Variants in TMEM272 observed in about 807,000 individuals in gnomAD.
The protein encoded by TMEM272 is transmembrane protein 272, also known as long intergenic non-protein coding RNA 282.
Under a neutral mutation model 3.7 loss-of-function variants are expected in TMEM272, and 8 were observed. The ratio of observed to expected loss-of-function variants is 2.17; its 90% CI spans 1.27 to 3.91. TMEM272 has a LOEUF of 3.91. Ranked by LOEUF, TMEM272 falls within the 30% of genes most tolerant of loss-of-function variation. The pLI, the probability that TMEM272 is intolerant of heterozygous loss-of-function variation, is 0.00. For missense variants in TMEM272, 166 were observed against 91.5 expected, an observed-to-expected ratio of 1.81 and a Z score of -3.32; for synonymous variants, 63 against 39.8, an observed-to-expected ratio of 1.58 and a Z score of -2.20.
At chr13:51,876,698 G>A in the TMEM272 span, among the ~76,000 whole-genome samples, 1 of 152,166 alleles carries the variant, frequency 6.6e-6, no homozygotes, top group Non-Finnish European at 1.5e-5. Context: ...TCAATTTTTG[G>A]TGTGTAAATT....
At chr13:51,932,561 C>T in the TMEM272 span, 1 of 152,222 alleles carries the variant, frequency 6.6e-6, no homozygotes, top group South Asian at 2.1e-4. Flanking sequence ...AAAATCCTAT[C>T]CTCCTCTGCC....
chr13:51,848,019 G>T (rs566388543), upstream of TMEM272, among the ~76,000 whole-genome samples: 20 of 152,304 alleles, frequency 1.3e-4, no homozygotes, highest in South Asian at 1.2e-3. Flanking sequence ...TTTGGAAAGT[G>T]ATTATGAGAC....
the TMEM272 span, among the ~76,000 whole-genome samples, chr13:51,892,754 C>G: frequency 6.6e-6 from 1 of 152,154 alleles, no homozygotes; most frequent in Non-Finnish European, 1.5e-5. Flanking sequence ...CATGCAGCCC[C>G]TCCTCCACAG....
At chr13:51,830,134 T>C (rs989629430) in intron 2 of TMEM272, among the ~76,000 whole-genome samples, 1 of 152,252 alleles carries the variant, frequency 6.6e-6, no homozygotes, top group African/African-American at 2.4e-5. Context: ...TGCTATTTCT[T>C]TGGGTTTCCA....
the TMEM272 span, among the ~76,000 whole-genome samples, chr13:51,872,716 A>G: frequency 6.6e-6 from 1 of 152,252 alleles, no homozygotes; most frequent in Admixed American, 6.5e-5. Context: ...AAGTTATATA[A>G]AATAAGACAA....
the TMEM272 span, among the ~76,000 whole-genome samples, chr13:51,854,819 T>G: frequency 6.6e-6 from 1 of 152,242 alleles, no homozygotes; most frequent in African/African-American, 2.4e-5. Flanking sequence ...ATTATTATTA[T>G]TGATTTATTT....
chr13:51,904,135 C>A, the TMEM272 span, among the ~76,000 whole-genome samples: 1 of 152,168 alleles, frequency 6.6e-6, no homozygotes, highest in Non-Finnish European at 1.5e-5. Context: ...CATTCACCAT[C>A]AGCATCAGAA....
At chr13:51,879,766 T>C in the TMEM272 span, among the ~76,000 whole-genome samples, 1 of 152,252 alleles carries the variant, frequency 6.6e-6, no homozygotes, top group Middle Eastern at 3.4e-3. Context: ...TCAAAGACTT[T>C]AAAATACAGT....
the TMEM272 span, among the ~76,000 whole-genome samples, chr13:51,902,334 C>T: frequency 6.6e-6 from 1 of 152,136 alleles, no homozygotes; most frequent in Non-Finnish European, 1.5e-5. Flanking sequence ...CACGGCCTGG[C>T]GCCTGGAAAA....
chr13:51,819,392 C>T (rs1336750987), intron 4 of TMEM272, among the ~76,000 whole-genome samples: 1 of 152,206 alleles, frequency 6.6e-6, no homozygotes, highest in African/African-American at 2.4e-5. Flanking sequence ...ATGCATTTCC[C>T]TTCCTTGCAG....
the TMEM272 span, among the ~76,000 whole-genome samples, chr13:51,917,214 C>G: frequency 6.6e-6 from 1 of 152,172 alleles, no homozygotes; most frequent in Non-Finnish European, 1.5e-5. Flanking sequence ...TGCCAGTGGA[C>G]CAGCGACATC....
the TMEM272 span, among the ~76,000 whole-genome samples, chr13:51,907,410 G>A: frequency 2.6e-5 from 4 of 152,098 alleles, no homozygotes; most frequent in African/African-American, 4.8e-5. Flanking sequence ...CTAACCAGTC[G>A]AGAGCTCATG....
upstream of TMEM272, among the ~76,000 whole-genome samples, chr13:51,848,823 A>G (rs578117431): frequency 1.3e-4 from 20 of 152,180 alleles, no homozygotes; most frequent in Non-Finnish European, 2.6e-4. Flanking sequence ...AGATTGCACA[A>G]AAGTTTGTCT....
chr13:51,893,682 C>G, the TMEM272 span, among the ~76,000 whole-genome samples: 1 of 152,116 alleles, frequency 6.6e-6, no homozygotes, highest in Non-Finnish European at 1.5e-5. Context: ...AAGACTCGAT[C>G]ACCAGGGAAT....
chr13:51,894,108 G>C, the TMEM272 span, among the ~76,000 whole-genome samples: 2 of 152,228 alleles, frequency 1.3e-5, no homozygotes, highest in Non-Finnish European at 2.9e-5. Flanking sequence ...TGGGGAACAA[G>C]TTTGTAGTCA....
the TMEM272 span, among the ~76,000 whole-genome samples, chr13:51,901,260 G>C: frequency 6.6e-6 from 1 of 152,078 alleles, no homozygotes; most frequent in African/African-American, 2.4e-5. Context: ...AATGAAGCAC[G>C]GTTCCTGAGT....
At chr13:51,898,543 C>G in the TMEM272 span, among the ~76,000 whole-genome samples, 30 of 151,014 alleles carry the variant, frequency 2.0e-4, no homozygotes, top group African/African-American at 7.3e-4. Context: ...AAACAAACAT[C>G]AGATTCACAT....
chr13:51,850,642 C>A, the TMEM272 span, among the ~76,000 whole-genome samples: 1 of 152,186 alleles, frequency 6.6e-6, no homozygotes, highest in Admixed American at 6.5e-5. Flanking sequence ...GCTACCGGTC[C>A]ATTTCAATAA....
At chr13:51,874,266 G>A in the TMEM272 span, among the ~76,000 whole-genome samples, 1 of 152,194 alleles carries the variant, frequency 6.6e-6, no homozygotes, top group African/African-American at 2.4e-5. Flanking sequence ...CTCTCTGGCT[G>A]TGGGGGAAAT....
Sources: gnomAD v4.1 joint callset for allele counts (sites outside exome capture counted in the v4.1 genomes callset) on GRCh38, gnomAD v4.1.1 for gene constraint, MANE v1.5 for transcripts, NCBI Gene and HGNC (gene_info 2026-07-23, HGNC 2026-07-21) for gene names.